The following BBS9 variants were observed in gnomAD, a reference collection of about 807,000 sequenced individuals.
The protein encoded by BBS9 is protein PTHB1.
BBS9 carries 89 observed loss-of-function variants against 117.7 expected under a neutral mutation model. The ratio of observed to expected loss-of-function variants is 0.76; its 90% CI spans 0.64 to 0.90. The LOEUF is 0.90. Among genes scored for constraint, BBS9 ranks in the 40% least tolerant of loss-of-function variants. The pLI is 0.00. For missense variants in BBS9, 982 were observed against 1,042.2 expected, an observed-to-expected ratio of 0.94 and a Z score of 0.80; for synonymous variants, 379 against 370.9, an observed-to-expected ratio of 1.02 and a Z score of -0.25.
At chr7:33,464,753 A>G (rs1441494268) in intron 19 of BBS9, among the ~76,000 whole-genome samples, 2 of 152,008 alleles carry the variant, frequency 1.3e-5, no homozygotes, top group Non-Finnish European at 2.9e-5. Flanking sequence ...TATTCTCATG[A>G]GTCTATTACA....
At chr7:33,458,958 G>A (rs1010209567) in intron 19 of BBS9, among the ~76,000 whole-genome samples, 6 of 152,084 alleles carry the variant, frequency 3.9e-5, no homozygotes, top group Admixed American at 1.3e-4. Context: ...AAGTGTCTTT[G>A]AAGGACAGCT....
intron 21 of BBS9, among the ~76,000 whole-genome samples, chr7:33,590,530 G>T (rs1861739421): frequency 7.4e-6 from 1 of 135,078 alleles, no homozygotes; most frequent in Non-Finnish European, 1.5e-5. Flanking sequence ...CCCAACTATT[G>T]GTGTTCCTAG....
intron 17 of BBS9, among the ~76,000 whole-genome samples, chr7:33,370,246 C>A (rs1351591352): frequency 6.6e-6 from 1 of 151,746 alleles, no homozygotes; most frequent in African/African-American, 2.4e-5. Context: ...TCGCTTAAGC[C>A]TAGCAGTTCA....
At chr7:33,465,165 A>C (rs147997116) in intron 19 of BBS9, among the ~76,000 whole-genome samples, 2 of 151,136 alleles carry the variant, frequency 1.3e-5, no homozygotes, top group South Asian at 4.2e-4. Flanking sequence ...TAGAGATGGG[A>C]TCTGTGGTAA....
At chr7:33,521,907 C>A (rs1440743281) in intron 20 of BBS9, among the ~76,000 whole-genome samples, 6 of 121,468 alleles carry the variant, frequency 4.9e-5, no homozygotes, top group Admixed American at 4.7e-4. Flanking sequence ...TCCCCCCACC[C>A]CACCACAGTC....
Position 33,264,356 on chromosome 7 carries a change from T to C in BBS9, c.684T>C (p.Gly228=), listed in dbSNP as rs764873108. 1.3e-6 allele frequency: 2 copies of C among 1,581,924 alleles called. No homozygotes were observed. The highest frequency in any genetic ancestry group is 1.2e-5 in the South Asian group (1 of 83,244). The change falls in exon 7 of 23, where the codon GGT becomes GGC. Residue 228 remains glycine (G), a synonymous_variant. Coordinates refer to ENST00000242067, the MANE Select transcript of BBS9 (RefSeq NM_198428.3). ...AGGAGACTGAACAGCAAAAACTTGG[T>C]TCTGGAAAAAGACTAGTTGTAAGGC... is the stretch of plus-strand genomic sequence containing the variant. The part of the protein sequence containing the change: ...KRQETEQQKL[G]SGKRLVVDWT...
intron 21 of BBS9, among the ~76,000 whole-genome samples, chr7:33,553,737 G>C (rs148800105): frequency 6.6e-6 from 1 of 152,218 alleles, no homozygotes; most frequent in East Asian, 1.9e-4. Flanking sequence ...ATTTACTCAT[G>C]AATAGGACAA....
intron 5 of BBS9, among the ~76,000 whole-genome samples, chr7:33,197,256 G>C (rs535648796): frequency 6.6e-6 from 1 of 152,070 alleles, no homozygotes; most frequent in Non-Finnish European, 1.5e-5. Flanking sequence ...CATATATATA[G>C]TTCATCGTGG....
intron 21 of BBS9, among the ~76,000 whole-genome samples, chr7:33,542,221 A>T (rs1245625560): frequency 1.3e-5 from 2 of 152,014 alleles, no homozygotes; most frequent in Non-Finnish European, 2.9e-5. Context: ...AGTAGCTGGG[A>T]TTACAGGCGT....
chr7:33,334,932 C>G (rs1814984916), intron 9 of BBS9, among the ~76,000 whole-genome samples: 2 of 152,164 alleles, frequency 1.3e-5, no homozygotes, highest in South Asian at 2.1e-4. Flanking sequence ...ACTGACTATG[C>G]CTGAGTCCTG....
chr7:33,284,712 C>T (rs549993651), intron 9 of BBS9, among the ~76,000 whole-genome samples: 3 of 152,056 alleles, frequency 2.0e-5, no homozygotes, highest in East Asian at 1.9e-4. Flanking sequence ...TCTCTTTTTC[C>T]TCATAATTTT....
At chr7:33,143,547 C>T (rs28825171) in intron 1 of BBS9, among the ~76,000 whole-genome samples, 24,560 of 151,554 alleles carry the variant, frequency 0.16, 2,128 homozygotes, top group South Asian at 0.21. Flanking sequence ...TTTTCATATG[C>T]TCCTTGGCCA....
intron 5 of BBS9, among the ~76,000 whole-genome samples, chr7:33,241,776 T>C (rs989444424): frequency 1.3e-4 from 20 of 152,110 alleles, no homozygotes; most frequent in Admixed American, 1.0e-3. Context: ...CAAATTTCTG[T>C]TCTTTTAAAA....
At chr7:33,584,343 T>C (rs1303093099) in intron 21 of BBS9, among the ~76,000 whole-genome samples, 1 of 152,060 alleles carries the variant, frequency 6.6e-6, no homozygotes, top group Non-Finnish European at 1.5e-5. Context: ...ATTATACTGC[T>C]TTGAATTTCT....
intron 18 of BBS9, among the ~76,000 whole-genome samples, chr7:33,384,273 C>T (rs28465518): frequency 6.6e-6 from 1 of 152,204 alleles, no homozygotes; most frequent in Admixed American, 6.5e-5. Context: ...AGGGTTAACA[C>T]TTAAAATATT....
intron 4 of BBS9, among the ~76,000 whole-genome samples, chr7:33,168,802 G>A (rs73317492): frequency 0.081 from 12,355 of 151,774 alleles, 537 homozygotes; most frequent in South Asian, 0.13. Context: ...AGCATATCTT[G>A]CTTTTTTTTA....
chr7:33,182,498 C>A (rs1478276780), intron 5 of BBS9, among the ~76,000 whole-genome samples: 2 of 152,112 alleles, frequency 1.3e-5, no homozygotes, highest in Non-Finnish European at 2.9e-5. Flanking sequence ...CAGTTTATGA[C>A]CTTAAAGCAT....
intron 19 of BBS9, among the ~76,000 whole-genome samples, chr7:33,475,906 A>G (rs775366362): frequency 2.0e-5 from 3 of 152,202 alleles, no homozygotes; most frequent in South Asian, 2.1e-4. Flanking sequence ...ATGGAACAAG[A>G]ATACCCACCT....
chr7:33,155,742 A>T, intron 4 of BBS9, 40 bp downstream of exon 4: 1 of 1,096,894 alleles, frequency 9.1e-7, no homozygotes, highest in Non-Finnish European at 1.4e-6. Context: ...TATATTACAA[A>T]TTGGGCTTAA....
Sources: allele counts gnomAD v4.1 joint callset (sites outside exome capture counted in the v4.1 genomes callset), GRCh38; gene constraint gnomAD v4.1.1; transcripts MANE v1.5; gene names NCBI Gene and HGNC (gene_info 2026-07-23, HGNC 2026-07-21).